Variants in CCDC191 observed in about 807,000 individuals in gnomAD.
CCDC191 encodes the protein coiled-coil domain containing 191.
CCDC191 carries 99 observed loss-of-function variants against 114.0 expected under a neutral mutation model. That is an observed-to-expected ratio of 0.87 (90% CI 0.74 to 1.03). CCDC191 has a LOEUF of 1.03. CCDC191 is among the 50% of genes least tolerant of loss of function. The pLI, the probability that CCDC191 is intolerant of heterozygous loss-of-function variation, is 0.00. For synonymous variants in CCDC191, 351 were observed against 376.0 expected (o/e 0.93, Z 0.77); for missense variants, 973 against 1,087.0 (o/e 0.90, Z 1.47).
intron 15 of CCDC191, chr3:113,978,620 A>T: frequency 1.7e-6 from 1 of 593,026 alleles, no homozygotes; most frequent in Non-Finnish European, 2.9e-6. Flanking sequence ...ACAAAAGCTG[A>T]TGGAATGATA....
intron 9 of CCDC191, 41 bp downstream of exon 9, chr3:114,010,731 C>A (rs748809435): frequency 7.1e-6 from 11 of 1,558,402 alleles, no homozygotes; most frequent in East Asian, 2.3e-5. Flanking sequence ...AAAGCACAAA[C>A]CTCAAATGCA....
At chr3:114,021,321 C>G (rs572817853) in intron 7 of CCDC191, among the ~76,000 whole-genome samples, 99 of 152,054 alleles carry the variant, frequency 6.5e-4, no homozygotes, top group African/African-American at 2.3e-3. Flanking sequence ...TTTTAAAGGC[C>G]TATAATTCAG....
intron 8 of CCDC191, among the ~76,000 whole-genome samples, chr3:114,012,929 CA>C (rs1260983533): frequency 1.3e-5 from 2 of 152,092 alleles, no homozygotes; most frequent in Non-Finnish European, 2.9e-5. Flanking sequence ...GCTTAAAGCC[CA>C]CTCTATAATG....
At chr3:114,004,109 A>G in intron 11 of CCDC191, 7 of 955,796 alleles carry the variant, frequency 7.3e-6, no homozygotes, top group Non-Finnish European at 8.7e-6. Flanking sequence ...CCTGTACCAA[A>G]TAAATAAATG....
chr3:114,010,833 G>C lies in CCDC191; in HGVS notation c.1352C>G (p.Ser451Ter), dbSNP rs778524999. The C allele has an allele frequency of 1.9e-6, 3 of 1,614,012 alleles. No homozygotes were observed. The highest frequency in any genetic ancestry group is 1.1e-5 in the South Asian group (1 of 91,084). ...TGCCTCCTCAGGTAGACTGATGCCTGATAACCCATTGGCACTGAGTTTCCC... is the reference window on the plus strand; with the variant it reads ...TGCCTCCTCAGGTAGACTGATGCCTCATAACCCATTGGCACTGAGTTTCCC... The part of the protein sequence containing the change: ...SLGKLSANGL[S>*]GISLPEEATA... Residue 451 changes from serine (S) to a stop codon, truncating the protein, a stop_gained, in exon 9 of 17, where the codon TCA becomes TGA. Coordinates refer to ENST00000295878, the MANE Select transcript of CCDC191 (RefSeq NM_020817.2). LOFTEE classifies it high-confidence loss of function.
intron 8 of CCDC191, among the ~76,000 whole-genome samples, chr3:114,011,338 A>T (rs908868772): frequency 2.0e-5 from 3 of 152,140 alleles, no homozygotes; most frequent in African/African-American, 4.8e-5. Flanking sequence ...GAGCAAAAAG[A>T]AGAGGTACAC....
intron 1 of CCDC191, among the ~76,000 whole-genome samples, chr3:114,055,825 G>C (rs930720947): frequency 6.6e-6 from 1 of 152,200 alleles, no homozygotes; most frequent in East Asian, 1.9e-4. Context: ...GATACGGAGA[G>C]AATCTATTTT....
chr3:113,976,070 A>G (rs1293868827), intron 16 of CCDC191, among the ~76,000 whole-genome samples: 1 of 151,436 alleles, frequency 6.6e-6, no homozygotes, highest in Non-Finnish European at 1.5e-5. Flanking sequence ...CAGCCTGGGC[A>G]GCATGGTAAA....
intron 13 of CCDC191, among the ~76,000 whole-genome samples, chr3:113,989,852 T>C (rs1485158180): frequency 6.6e-6 from 1 of 152,100 alleles, no homozygotes; most frequent in Non-Finnish European, 1.5e-5. Flanking sequence ...TTGGACATGG[T>C]GGTGCATGCC....
rs1577468044 is a variant in CCDC191, at chr3:114,040,541, A to T, written c.415+2162T>A. 2.6e-5 allele frequency among the ~76,000 whole-genome samples: 4 copies of T among 152,234 alleles called. No homozygotes were observed. In the South Asian group the frequency reaches 8.3e-4, roughly 32 times the overall value. ...TTTCTTTAAAAGTCTATTTTTGGGA[A>T]AATTAAAAATCAAAGAAAAAAATAA... On this transcript the variant is annotated intron_variant, in intron 4 of 16. Coordinates refer to ENST00000295878, the MANE Select transcript of CCDC191 (RefSeq NM_020817.2).
In CCDC191 at chr3:113,993,265, CTA is replaced by C. The variant is rs2075627881; in HGVS notation, c.2163+8328_2163+8329del. Among the ~76,000 whole-genome samples the C allele has an allele frequency of 3.3e-5, 5 of 152,158 alleles. No individual in the cohort carries two copies. In the South Asian group the frequency reaches 1.0e-3, roughly 32 times the overall value. On this transcript the variant is annotated intron_variant, in intron 13 of 16. Transcript: ENST00000295878. ...TGGGTAACATAGTGACACCCAGACT[CTA>C]TGATTCATATGGAAAGTCAAATGAA...
chr3:114,035,099 A>C lies in CCDC191; in HGVS notation c.644T>G (p.Ile215Arg). The change falls in exon 6 of 17, where the codon ATA (isoleucine) becomes AGA (arginine). Residue 215 changes from isoleucine (I) to arginine (R), a missense_variant. Transcript: ENST00000295878. ...GGCCGATTTTTTCAGGGTCTTTTCTATTCTCTGGTACTCCAGTTCTTTCTC... is the reference window on the plus strand; with the variant it reads ...GGCCGATTTTTTCAGGGTCTTTTCTCTTCTCTGGTACTCCAGTTCTTTCTC... Reference protein sequence around the residue: ...RREKELEYQRIEKTLKKSAFL... With the variant: ...RREKELEYQRREKTLKKSAFL... The C allele has an allele frequency of 6.2e-7, 1 of 1,613,880 alleles. No individual in the cohort carries two copies. The highest frequency in any genetic ancestry group is 8.5e-7 in the Non-Finnish European group (1 of 1,179,944).
In CCDC191 at chr3:113,982,868, A is replaced by AC. The variant is rs113921514; in HGVS notation, c.2164-2076_2164-2075insG. ...TCAAAACAAAAAAACAAAAAAAAAA[A>AC]AACCAAAAATAAAAAATAACTAACA... On this transcript the variant is annotated intron_variant, in intron 13 of 16. Transcript: ENST00000295878. Among the ~76,000 whole-genome samples the AC allele has an allele frequency of 6.5e-3, 981 of 151,664 alleles. 10 individuals carry two copies. The highest frequency in any genetic ancestry group is 0.021 in the African/African-American group (885 of 41,384).
At chr3:114,004,183 A>C (rs2075904417) in intron 11 of CCDC191, 2 of 967,066 alleles carry the variant, frequency 2.1e-6, no homozygotes, top group African/African-American at 3.5e-5. Context: ...TATTACTAAA[A>C]TCCTATCAAC....
At chr3:114,033,400 T>C (rs2076436862) in intron 6 of CCDC191, among the ~76,000 whole-genome samples, 1 of 152,230 alleles carries the variant, frequency 6.6e-6, no homozygotes. Flanking sequence ...CACAAATCTT[T>C]GTCTGGATTT....
chr3:114,014,569 A>C (rs561935244), intron 8 of CCDC191, among the ~76,000 whole-genome samples: 1 of 152,290 alleles, frequency 6.6e-6, no homozygotes, highest in East Asian at 1.9e-4. Context: ...TGGCGGGTTC[A>C]CCCTGACCTG....
chr3:113,973,382 G>A (rs1039533726), intron 16 of CCDC191, among the ~76,000 whole-genome samples: 2 of 152,080 alleles, frequency 1.3e-5, no homozygotes, highest in East Asian at 3.9e-4. Flanking sequence ...GTTTGTTCAT[G>A]TACTTAATTT....
At chr3:114,033,653 T>C (rs16861467) in intron 6 of CCDC191, among the ~76,000 whole-genome samples, 10,801 of 152,310 alleles carry the variant, frequency 0.071, 434 homozygotes, top group Middle Eastern at 0.11. Flanking sequence ...AGCATCCTAC[T>C]ACCATTAAAC....
At chr3:114,014,051 T>C (rs1465193161) in intron 8 of CCDC191, among the ~76,000 whole-genome samples, 1 of 152,184 alleles carries the variant, frequency 6.6e-6, no homozygotes, top group Non-Finnish European at 1.5e-5. Flanking sequence ...CTACTAGATA[T>C]CTGCAAAGTG....
Sources: gnomAD v4.1 joint callset for allele counts (sites outside exome capture counted in the v4.1 genomes callset) on GRCh38, gnomAD v4.1.1 for gene constraint, MANE v1.5 for transcripts, NCBI Gene and HGNC (gene_info 2026-07-23, HGNC 2026-07-21) for gene names.